Variants in NRG2 observed in about 807,000 individuals in gnomAD.
NRG2 encodes the protein pro-neuregulin-2, membrane-bound isoform.
A neutral mutation model predicts 73.9 loss-of-function variants in NRG2; 27 were observed. That is an observed-to-expected ratio of 0.37 (90% CI 0.27 to 0.50). The LOEUF is 0.50. NRG2 is among the 20% of genes least tolerant of loss of function. The probability of loss-of-function intolerance (pLI) is 0.96; values close to 1 mark genes in which losing one functional copy is unlikely to be tolerated. For missense variants in NRG2, 1,126 were observed against 1,210.1 expected, an observed-to-expected ratio of 0.93 and a Z score of 1.03; for synonymous variants, 532 against 541.0, an observed-to-expected ratio of 0.98 and a Z score of 0.23.
At chr5:139,854,764 G>A (rs759015456) in intron 6 of NRG2, among the ~76,000 whole-genome samples, 12 of 152,140 alleles carry the variant, frequency 7.9e-5, no homozygotes, top group Non-Finnish European at 1.0e-4. Flanking sequence ...TTACAAACCC[G>A]TCATCTTTCA....
In NRG2 at chr5:139,915,637, T is replaced by C. The variant is rs915687211; in HGVS notation, c.701-28126A>G. On this transcript the variant is annotated intron_variant, in intron 1 of 9. Transcript: ENST00000361474. The surrounding 1 kb of genome is among the most constrained non-coding windows in gnomAD (Gnocchi z 4.0). ...GATCTACAGGTGTTTTCTCCGTATA[T>C]TGTCTGTATATTCAGACAACTCTGA... 2.0e-5 allele frequency among the ~76,000 whole-genome samples: 3 copies of C among 152,248 alleles called. No individual in the cohort carries two copies. The highest frequency in any genetic ancestry group is 7.2e-5 in the African/African-American group (3 of 41,462).
intron 3 of NRG2, among the ~76,000 whole-genome samples, chr5:139,873,545 G>A (rs994739716): frequency 1.2e-4 from 18 of 152,358 alleles, no homozygotes; most frequent in African/African-American, 3.8e-4. Flanking sequence ...CAGAGCCTCA[G>A]GGCTCCTAGC....
In NRG2 at chr5:139,954,005, G is replaced by C. The variant is rs1034024102; in HGVS notation, c.701-66494C>G. The stretch of plus-strand genomic sequence containing the variant: ...AACCCGAAGAGAACCTGAAAAAGTG[G>C]GCCAGAGTTGAGGGCAGGTAGCCTG... On this transcript the variant is annotated intron_variant, in intron 1 of 9. Transcript: ENST00000361474. The surrounding 1 kb of genome is among the most constrained non-coding windows in gnomAD (Gnocchi z 5.0). Among the ~76,000 whole-genome samples, 2 of 152,114 alleles carry C rather than the reference G, an allele frequency of 1.3e-5. No homozygotes were observed. The highest frequency in any genetic ancestry group is 2.9e-5 in the Non-Finnish European group (2 of 68,026).
intron 1 of NRG2, among the ~76,000 whole-genome samples, chr5:139,979,111 G>C (rs1756601481): frequency 1.3e-5 from 2 of 150,712 alleles, no homozygotes; most frequent in Admixed American, 1.3e-4. Flanking sequence ...GGGAGGGATA[G>C]TATTAGGAGA....
In NRG2 at chr5:139,904,445, G is replaced by C. The variant is rs1036767578; in HGVS notation, c.701-16934C>G. On this transcript the variant is annotated intron_variant, in intron 1 of 9. Coordinates refer to ENST00000361474, the MANE Select transcript of NRG2 (RefSeq NM_004883.3). This position sits in a 1 kb window ranked among gnomAD's most constrained non-coding sequence, Gnocchi z 6.0. Reference sequence around the variant, plus strand: ...GGGACGGCCTCAGCTCTCCGCTGCCGCGCTGCGCCCCCGCCGCCTGCAGCC... The same window carrying C: ...GGGACGGCCTCAGCTCTCCGCTGCCCCGCTGCGCCCCCGCCGCCTGCAGCC... 1 of 1,178,350 alleles carries C rather than the reference G, an allele frequency of 8.5e-7. No homozygotes were observed. The highest frequency in any genetic ancestry group is 1.2e-6 in the Non-Finnish European group (1 of 829,724). The allele number at this position is 1,178,350 out of a possible 1,614,324, so 73.0% of individuals were successfully genotyped here. A position where few individuals can be genotyped will look rare whatever the true frequency, so the allele number is the denominator to read the frequency against.
Position 139,852,566 on chromosome 5 carries a change from C to T in NRG2, c.1417-7G>A. 3.7e-6 allele frequency: 6 copies of T among 1,612,942 alleles called. No homozygotes were observed. Among genetic ancestry groups the T allele is most frequent in the Non-Finnish European group, 5.1e-6 (6 of 1,179,474 alleles). On this transcript the variant is annotated splice_polypyrimidine_tract_variant and splice_region_variant and intron_variant, in intron 7 of 9. Transcript: ENST00000361474. This position sits in a 1 kb window ranked among gnomAD's most constrained non-coding sequence, Gnocchi z 4.4. The stretch of plus-strand genomic sequence containing the variant: ...GCACGTTCTTGGAAATATACTGGAA[C>T]AGACAGAGTTGGGCGAGAGTTAGTG...
chr5:139,886,746 C>T (rs1457438753), intron 2 of NRG2, among the ~76,000 whole-genome samples: 1 of 152,312 alleles, frequency 6.6e-6, no homozygotes, highest in Non-Finnish European at 1.5e-5. Flanking sequence ...AGCCTAGAGA[C>T]TCAGGGAACT....
intron 1 of NRG2, among the ~76,000 whole-genome samples, chr5:139,901,577 G>T (rs1453920633): frequency 6.6e-6 from 1 of 152,222 alleles, no homozygotes; most frequent in Non-Finnish European, 1.5e-5. Flanking sequence ...AGAGGCAGGA[G>T]ATAGCAAAGA....
intron 1 of NRG2, among the ~76,000 whole-genome samples, chr5:140,036,885 A>T (rs1328191319): frequency 6.6e-6 from 1 of 152,240 alleles, no homozygotes; most frequent in East Asian, 1.9e-4. Flanking sequence ...AATTTTCAAA[A>T]TTGCCAAATG....
chr5:139,904,300 G>A lies in NRG2; in HGVS notation c.701-16789C>T, dbSNP rs1020971292. 8 of 1,590,126 alleles carry A rather than the reference G, an allele frequency of 5.0e-6. No individual in the cohort carries two copies. Among genetic ancestry groups the A allele is most frequent in the African/African-American group, 1.4e-5 (1 of 73,942 alleles). On this transcript the variant is annotated intron_variant, in intron 1 of 9. Transcript: ENST00000361474. The surrounding 1 kb of genome is among the most constrained non-coding windows in gnomAD (Gnocchi z 6.0). ...ACCGGGTTTCTGGGCGCGCGGAGGTGCCCTACCTTTCTCCCCGGGATCGGG... is the reference window on the plus strand; with the variant it reads ...ACCGGGTTTCTGGGCGCGCGGAGGTACCCTACCTTTCTCCCCGGGATCGGG...
chr5:139,893,682 G>C (rs1360741823), intron 1 of NRG2, among the ~76,000 whole-genome samples: 7 of 150,032 alleles, frequency 4.7e-5, no homozygotes, highest in East Asian at 1.9e-4. Flanking sequence ...TGGGTTTTGG[G>C]GGAAGCCCAG....
Position 139,851,530 on chromosome 5 carries a change from C to T in NRG2, c.1772+74G>A, listed in dbSNP as rs927613172. 4 of 1,451,762 alleles carry T rather than the reference C, an allele frequency of 2.8e-6. No individual in the cohort carries two copies. Among genetic ancestry groups the T allele is most frequent in the African/African-American group, 1.4e-5 (1 of 71,902 alleles). 89.9% of individuals were successfully genotyped at this position (1,451,762 alleles called of 1,614,324 possible). ...CTCTTTGGAGTGTTTCTGAGGGGCC[C>T]TAAGGGTCAGCCTTGGGCCAGTGGT... On this transcript the variant is annotated intron_variant, in intron 9 of 9. Coordinates refer to ENST00000361474, the MANE Select transcript of NRG2 (RefSeq NM_004883.3). This position sits in a 1 kb window ranked among gnomAD's most constrained non-coding sequence, Gnocchi z 4.2.
chr5:139,934,908 T>G (rs189772127), intron 1 of NRG2, among the ~76,000 whole-genome samples: 4 of 152,312 alleles, frequency 2.6e-5, no homozygotes, highest in Admixed American at 2.6e-4. Context: ...CTCATGCCTG[T>G]AATCCCAGCA....
At chr5:139,910,946 G>A (rs1223214596) in intron 1 of NRG2, among the ~76,000 whole-genome samples, 2 of 152,140 alleles carry the variant, frequency 1.3e-5, no homozygotes, top group Non-Finnish European at 2.9e-5. Context: ...AGCCTCAGGA[G>A]CAAACTGGGA....
intron 1 of NRG2, among the ~76,000 whole-genome samples, chr5:139,906,935 T>C (rs1466302063): frequency 6.6e-6 from 1 of 152,150 alleles, no homozygotes; most frequent in African/African-American, 2.4e-5. Context: ...CCAATATCCC[T>C]GAAGCAAGAA....
chr5:139,939,289 T>A (rs1753209015), intron 1 of NRG2, among the ~76,000 whole-genome samples: 1 of 151,708 alleles, frequency 6.6e-6, no homozygotes, highest in African/African-American at 2.4e-5. Flanking sequence ...TTTCCTTTCT[T>A]TTTTTAAATG....
intron 1 of NRG2, among the ~76,000 whole-genome samples, chr5:139,941,924 A>T (rs1346257562): frequency 6.6e-6 from 1 of 152,180 alleles, no homozygotes; most frequent in Non-Finnish European, 1.5e-5. Flanking sequence ...TATAGTCAAA[A>T]TTATTTTACC....
chr5:139,865,235 AC>A lies in NRG2; in HGVS notation c.1189+313del. 2.2e-6 allele frequency: 3 copies of A among 1,376,894 alleles called. No homozygotes were observed. Among genetic ancestry groups the A allele is most frequent in the Non-Finnish European group, 3.1e-6 (3 of 978,102 alleles). The allele number at this position is 1,376,894 out of a possible 1,614,324, so 85.3% of individuals were successfully genotyped here. ...GATAGCAAGACACAGGCATTGCAAC[AC>A]CCCGGCACGGGCTCCTGCCAATGCC... is the stretch of plus-strand genomic sequence containing the variant. On this transcript the variant is annotated intron_variant, in intron 5 of 9. Transcript: ENST00000361474. The surrounding 1 kb of genome is among the most constrained non-coding windows in gnomAD (Gnocchi z 5.2).
At chr5:139,983,921 G>C (rs1034995016) in intron 1 of NRG2, among the ~76,000 whole-genome samples, 1 of 152,096 alleles carries the variant, frequency 6.6e-6, no homozygotes, top group Non-Finnish European at 1.5e-5. Context: ...AATTCCAAAA[G>C]AGAGAAATAG....
Sources: gnomAD v4.1 joint callset for allele counts (sites outside exome capture counted in the v4.1 genomes callset) on GRCh38, gnomAD v4.1.1 for gene constraint, Gnocchi (gnomAD v3.1) non-coding constraint, MANE v1.5 for transcripts, NCBI Gene and HGNC (gene_info 2026-07-23, HGNC 2026-07-21) for gene names.